The following PPM1E variants were observed in gnomAD, a reference collection of about 807,000 sequenced individuals.
PPM1E encodes the protein protein phosphatase 1E.
In PPM1E, 20 loss-of-function variants were observed where a neutral mutation model predicts 65.9. The ratio of observed to expected loss-of-function variants is 0.30; its 90% confidence interval spans 0.21 to 0.44. The LOEUF (loss-of-function observed/expected upper bound fraction) is 0.44, where lower values mean the gene tolerates loss of function less well. Among genes scored for constraint, PPM1E ranks in the 20% least tolerant of loss-of-function variants. The pLI, the probability that PPM1E is intolerant of heterozygous loss-of-function variation, is 1.00. For missense variants in PPM1E, 713 were observed against 953.1 expected (o/e 0.75, Z 3.32); for synonymous variants, 352 against 374.9 (o/e 0.94, Z 0.70).
At chr17:58,786,659 GATTGCAGTTGACC>G (rs2050103914) in intron 1 of PPM1E, among the ~76,000 whole-genome samples, 1 of 152,104 alleles carries the variant, frequency 6.6e-6, no homozygotes, top group Non-Finnish European at 1.5e-5. Context: ...AATATTTTTG[GATTGCAGTTGACC>G]ATGGGTAACT....
At chr17:58,945,528 C>T (rs1266085085) in intron 1 of PPM1E, among the ~76,000 whole-genome samples, 1 of 152,116 alleles carries the variant, frequency 6.6e-6, no homozygotes, top group Admixed American at 6.5e-5. Context: ...AGGTGTCTTA[C>T]AATTTAACTC....
intron 6 of PPM1E, among the ~76,000 whole-genome samples, chr17:58,978,026 G>A (rs1445251667): frequency 3.3e-5 from 5 of 152,186 alleles, no homozygotes; most frequent in South Asian, 2.1e-4. Context: ...ACAGGCATGC[G>A]CCTGGCCAAC....
At chr17:58,765,848 A>G (rs574636286) in intron 1 of PPM1E, among the ~76,000 whole-genome samples, 2 of 148,206 alleles carry the variant, frequency 1.3e-5, no homozygotes, top group East Asian at 3.9e-4. Flanking sequence ...ACAAAGCACA[A>G]CCTCTGGTCT....
In PPM1E at chr17:58,984,607, CA is replaced by C. The variant is rs2031624342; in HGVS notation, c.*3577del. The C allele has an allele frequency of 6.6e-6, 1 of 152,532 alleles. No homozygotes were observed. The highest frequency in any genetic ancestry group is 2.4e-5 in the African/African-American group (1 of 41,418). The allele number at this position is 152,532 out of a possible 1,614,324, so 9.4% of individuals were successfully genotyped here. A position where few individuals can be genotyped will look rare whatever the true frequency, so the allele number is the denominator to read the frequency against. The stretch of plus-strand genomic sequence containing the variant: ...AGAAATTTTTTTCACCTTTGAAAAT[CA>C]CGTGATGTTAAAGGACAAATGCCCA... On this transcript the variant is annotated 3_prime_UTR_variant, in exon 7 of 7. Coordinates refer to ENST00000308249, the MANE Select transcript of PPM1E (RefSeq NM_014906.5).
intron 1 of PPM1E, among the ~76,000 whole-genome samples, chr17:58,871,908 A>G (rs932667721): frequency 3.9e-5 from 6 of 152,210 alleles, no homozygotes; most frequent in Admixed American, 3.9e-4. Context: ...TTTAAAGATT[A>G]CAAATTTTGC....
chr17:58,977,457 GAAAT>G (rs2031079503), intron 6 of PPM1E, among the ~76,000 whole-genome samples: 1 of 147,486 alleles, frequency 6.8e-6, no homozygotes, highest in South Asian at 2.1e-4. Flanking sequence ...AAAAAAAAAA[GAAAT>G]AATGAATGAA....
At chr17:58,836,655 G>T (rs1268687719) in intron 1 of PPM1E, among the ~76,000 whole-genome samples, 3 of 150,540 alleles carry the variant, frequency 2.0e-5, no homozygotes, top group Admixed American at 2.0e-4. Flanking sequence ...AGTAGAGACG[G>T]GGTTTCACCA....
At chr17:58,934,935 A>G (rs999623377) in intron 1 of PPM1E, among the ~76,000 whole-genome samples, 1 of 151,446 alleles carries the variant, frequency 6.6e-6, no homozygotes, top group Non-Finnish European at 1.5e-5. Context: ...TCAAAAAAAA[A>G]AAGAAAATAA....
chr17:58,761,698 C>A (rs75706443), intron 1 of PPM1E, among the ~76,000 whole-genome samples: 7 of 152,178 alleles, frequency 4.6e-5, no homozygotes, highest in African/African-American at 1.7e-4. Flanking sequence ...CTTGAGGAAG[C>A]CTTTGCTTAC....
chr17:58,903,831 G>T (rs1282560063), intron 1 of PPM1E, among the ~76,000 whole-genome samples: 1 of 152,128 alleles, frequency 6.6e-6, no homozygotes, highest in Non-Finnish European at 1.5e-5. Flanking sequence ...GTAAAGCTTT[G>T]TTACCTAGGG....
At chr17:58,892,422 A>G (rs2051359145) in intron 1 of PPM1E, among the ~76,000 whole-genome samples, 1 of 152,090 alleles carries the variant, frequency 6.6e-6, no homozygotes, top group Admixed American at 6.5e-5. Context: ...AAAAAATTTA[A>G]AGTAGCTAGG....
chr17:58,966,415 TTG>T (rs2030250629), intron 3 of PPM1E: 1 of 239,150 alleles, frequency 4.2e-6, no homozygotes, highest in Non-Finnish European at 7.8e-6. Context: ...TAAAGCAGTT[TTG>T]TAAAAAAAAA....
At chr17:58,883,514 C>T (rs1235155121) in intron 1 of PPM1E, among the ~76,000 whole-genome samples, 4 of 130,356 alleles carry the variant, frequency 3.1e-5, no homozygotes, top group Non-Finnish European at 4.7e-5. Context: ...GACGGAGTCT[C>T]GCTCTGTCGC....
rs185537077 is a variant in PPM1E, at chr17:58,822,129, A to G, written c.464+65668A>G. Among the ~76,000 whole-genome samples, 15 of 152,274 alleles carry G rather than the reference A, an allele frequency of 9.9e-5. No homozygotes were observed. The East Asian group carries it at 2.5e-3, about 25-fold the overall frequency. On this transcript the variant is annotated intron_variant, in intron 1 of 6. Transcript: ENST00000308249. ...AGAGAGTGATGAGGATTACTAAAAC[A>G]AGAGATGGAAAGAAGAATGTAGTAA...
At chr17:58,824,627 C>T (rs1176657250) in intron 1 of PPM1E, among the ~76,000 whole-genome samples, 3 of 149,466 alleles carry the variant, frequency 2.0e-5, no homozygotes, top group Non-Finnish European at 3.0e-5. Flanking sequence ...TCTCGCTCGT[C>T]GCCCAGGCTG....
At chr17:58,830,907 A>G (rs1189126765) in intron 1 of PPM1E, among the ~76,000 whole-genome samples, 2 of 150,446 alleles carry the variant, frequency 1.3e-5, no homozygotes, top group African/African-American at 4.9e-5. Context: ...CTGGTCTCAA[A>G]CTCTTATCCT....
intron 1 of PPM1E, among the ~76,000 whole-genome samples, chr17:58,766,735 A>G (rs1259178865): frequency 1.9e-4 from 29 of 152,132 alleles, no homozygotes; most frequent in Admixed American, 1.3e-3. Flanking sequence ...TGAGATGACA[A>G]TCATTAAATT....
chr17:58,782,410 T>G (rs1257797246), intron 1 of PPM1E, among the ~76,000 whole-genome samples: 4 of 151,576 alleles, frequency 2.6e-5, no homozygotes, highest in Non-Finnish European at 5.9e-5. Flanking sequence ...TTTTTGTTTT[T>G]TTTTTTTTTG....
intron 1 of PPM1E, among the ~76,000 whole-genome samples, chr17:58,779,494 GTATTT>G (rs2050031432): frequency 6.6e-6 from 1 of 152,004 alleles, no homozygotes; most frequent in Admixed American, 6.6e-5. Context: ...ATTATCTGTT[GTATTT>G]TATTCTTTAA....
Sources: gnomAD v4.1 joint callset for allele counts (sites outside exome capture counted in the v4.1 genomes callset) on GRCh38, gnomAD v4.1.1 for gene constraint, MANE v1.5 for transcripts, NCBI Gene and HGNC (gene_info 2026-07-23, HGNC 2026-07-21) for gene names.